DISP1: variants seen among roughly 807,000 people sequenced by gnomAD.
DISP1 encodes protein dispatched homolog 1.
Under a neutral mutation model 37.3 loss-of-function variants are expected in DISP1, and 30 were observed. That is an observed-to-expected ratio of 0.80 (90% CI 0.60 to 1.09). The LOEUF is 1.09. Ranked by LOEUF, DISP1 falls within the 50% of genes least tolerant of loss-of-function variation. DISP1 has a pLI of 0.00. For synonymous variants in DISP1, 634 were observed against 690.2 expected, an observed-to-expected ratio of 0.92 and a Z score of 1.28; for missense variants, 1,598 against 1,879.5, an observed-to-expected ratio of 0.85 and a Z score of 2.77.
At chr1:222,961,058 A>G (rs1345480936) in intron 3 of DISP1, among the ~76,000 whole-genome samples, 4 of 152,232 alleles carry the variant, frequency 2.6e-5, no homozygotes, top group African/African-American at 9.6e-5. Flanking sequence ...AGCTGGTACC[A>G]TTCCTTCTGA....
At position 222,929,176 on chromosome 1, in the gene DISP1, T is replaced by C; in HGVS notation, c.-18+606T>C. Among the ~76,000 whole-genome samples, 2 of 152,180 alleles carry C rather than the reference T, an allele frequency of 1.3e-5. 1 individual carries two copies. The highest frequency in any genetic ancestry group is 2.9e-5 in the Non-Finnish European group (2 of 68,004). ...AGGCCTTCAAGCTATATTTTAGTTG[T>C]TTAAATGTTTCATGCATTACATGGT... On this transcript the variant is annotated intron_variant, in intron 2 of 8. Coordinates refer to ENST00000675850, the MANE Select transcript of DISP1 (RefSeq NM_001377229.1).
At chr1:223,002,352 CT>C (rs772642949) in intron 8 of DISP1, 32 bp from the exon 9 acceptor site, 139 of 1,592,474 alleles carry the variant, frequency 8.7e-5, no homozygotes, top group Non-Finnish European at 1.1e-4. Flanking sequence ...CCAATTTAAA[CT>C]GTAGTCCTTC....
chr1:222,886,425 A>G (rs1362258297), intron 1 of DISP1, among the ~76,000 whole-genome samples: 1 of 152,240 alleles, frequency 6.6e-6, no homozygotes, highest in Non-Finnish European at 1.5e-5. Flanking sequence ...TAAAAATCAC[A>G]TTGCAAAAGC....
intron 1 of DISP1, among the ~76,000 whole-genome samples, chr1:222,904,556 T>A (rs1455758789): frequency 2.7e-5 from 4 of 150,580 alleles, no homozygotes; most frequent in African/African-American, 9.7e-5. Flanking sequence ...AGACTCTTTT[T>A]TTTTATTTTT....
intron 2 of DISP1, among the ~76,000 whole-genome samples, chr1:222,939,836 A>C (rs1396482147): frequency 2.0e-5 from 3 of 151,494 alleles, no homozygotes; most frequent in Admixed American, 1.3e-4. Context: ...CTGTCAAAAA[A>C]AAAAAAAGGC....
In DISP1 at chr1:222,867,410, A is replaced by T. The variant is rs181769346; in HGVS notation, c.-159+52332A>T. ...ATAGGTAATTATAATGTTCTTGTGG[A>T]GGTACTTAAGTGGCTTGCTTTCTTG... On this transcript the variant is annotated intron_variant, in intron 1 of 8. Transcript: ENST00000675850. 3.0e-3 allele frequency among the ~76,000 whole-genome samples: 452 copies of T among 152,244 alleles called. 3 individuals carry two copies. The highest frequency in any genetic ancestry group is 0.011 in the African/African-American group (439 of 41,544).
intron 4 of DISP1, among the ~76,000 whole-genome samples, chr1:222,988,088 GCTT>G (rs928865545): frequency 1.3e-4 from 20 of 152,190 alleles, no homozygotes; most frequent in Non-Finnish European, 2.8e-4. Context: ...ACCACAATCA[GCTT>G]ATTGTCACTT....
intron 1 of DISP1, among the ~76,000 whole-genome samples, chr1:222,862,862 T>G (rs1668963890): frequency 6.6e-6 from 1 of 152,178 alleles, no homozygotes; most frequent in South Asian, 2.1e-4. Flanking sequence ...ATTTTTTTTC[T>G]GTCTGGTACC....
chr1:222,816,255 T>C (rs1369270424), intron 1 of DISP1, among the ~76,000 whole-genome samples: 3 of 152,238 alleles, frequency 2.0e-5, no homozygotes, highest in Non-Finnish European at 4.4e-5. Context: ...TTAGTTATTA[T>C]TTACCTTGCA....
At chr1:222,936,676 T>TC (rs1673775663) in intron 2 of DISP1, among the ~76,000 whole-genome samples, 1 of 108,298 alleles carries the variant, frequency 9.2e-6, no homozygotes, top group Non-Finnish European at 1.8e-5. Context: ...GAGGTATATA[T>TC]AATATATAAA....
Position 222,992,107 on chromosome 1 carries a change from C to G in DISP1, c.886C>G (p.Pro296Ala). ...CAAGGACAGCTTTTTCTGCGACGTT[C>G]CAAGTGAGTGACATTGTAGATGAAC... is the stretch of plus-strand genomic sequence containing the variant. ...FHKDSFFCDV[P>A]SDRYSRVVFT... Residue 296 changes from proline (P) to alanine (A), a missense_variant, in exon 7 of 9, where the codon CCA (proline) becomes GCA (alanine). Coordinates refer to ENST00000675850, the MANE Select transcript of DISP1 (RefSeq NM_001377229.1). The G allele has an allele frequency of 6.2e-7, 1 of 1,611,660 alleles. No homozygotes were observed.
intron 3 of DISP1, among the ~76,000 whole-genome samples, chr1:222,947,433 A>G (rs1558348875): frequency 6.6e-6 from 1 of 152,094 alleles, no homozygotes; most frequent in Non-Finnish European, 1.5e-5. Context: ...CATTTTATCA[A>G]TTACACAATA....
At chr1:222,842,934 G>A (rs998429934) in intron 1 of DISP1, among the ~76,000 whole-genome samples, 2 of 151,886 alleles carry the variant, frequency 1.3e-5, no homozygotes. Flanking sequence ...CAGAATAGTA[G>A]CCCATCAAAA....
intron 1 of DISP1, among the ~76,000 whole-genome samples, chr1:222,823,259 G>T (rs142963429): frequency 6.6e-6 from 1 of 152,186 alleles, no homozygotes; most frequent in East Asian, 1.9e-4. Context: ...GTTGACAACA[G>T]CAAAGATACG....
chr1:222,994,981 G>C lies in DISP1; in HGVS notation c.986G>C (p.Arg329Thr). ...IKSMCNVDNSRIRSHPQFGDL... is the reference protein window; with the variant it reads ...IKSMCNVDNSTIRSHPQFGDL... Reference sequence around the variant, plus strand: ...TCAATGTGCAATGTAGATAATTCCAGGGTATGTAAGATAAAAACTAAAATC... The same window carrying C: ...TCAATGTGCAATGTAGATAATTCCACGGTATGTAAGATAAAAACTAAAATC... Residue 329 changes from arginine to threonine, a missense_variant and splice_region_variant, in exon 8 of 9, where the codon AGG (arginine) becomes ACG (threonine). Arg to Thr is a moderately conservative substitution (Grantham distance 71, BLOSUM62 -1). Transcript: ENST00000675850. 6.2e-7 allele frequency: 1 copy of C among 1,608,846 alleles called. No individual in the cohort carries two copies. The highest frequency in any genetic ancestry group is 1.1e-5 in the South Asian group (1 of 90,986).
intron 3 of DISP1, among the ~76,000 whole-genome samples, chr1:222,972,687 A>C (rs2102648982): frequency 6.6e-6 from 1 of 152,254 alleles, no homozygotes; most frequent in South Asian, 2.1e-4. Context: ...TCTTAGGTCA[A>C]GTTTCAGGGG....
chr1:222,915,387 A>C (rs538347684), intron 1 of DISP1, among the ~76,000 whole-genome samples: 1 of 152,226 alleles, frequency 6.6e-6, no homozygotes, highest in African/African-American at 2.4e-5. Flanking sequence ...GAAGGAATGA[A>C]TGCTGCATTG....
At chr1:222,822,562 T>G (rs774866448) in intron 1 of DISP1, among the ~76,000 whole-genome samples, 6 of 152,240 alleles carry the variant, frequency 3.9e-5, no homozygotes, top group Non-Finnish European at 8.8e-5. Context: ...AACATTGAAT[T>G]TTCAATGATA....
intron 3 of DISP1, among the ~76,000 whole-genome samples, chr1:222,953,065 T>TA (rs889391376): frequency 2.6e-5 from 4 of 152,206 alleles, no homozygotes; most frequent in African/African-American, 9.6e-5. Context: ...AATATAAATG[T>TA]AAAAATGCAG....
Sources: allele counts gnomAD v4.1 joint callset (sites outside exome capture counted in the v4.1 genomes callset), GRCh38; gene constraint gnomAD v4.1.1; transcripts MANE v1.5; gene names NCBI Gene and HGNC (gene_info 2026-07-23, HGNC 2026-07-21).